Variants in GALNT17 observed in about 807,000 individuals in gnomAD.
The protein encoded by GALNT17 is polypeptide N-acetylgalactosaminyltransferase 17, also known as UDP-GalNAc:polypeptide N-acetylgalactosaminyltransferase-like 3.
A neutral mutation model predicts 63.7 loss-of-function variants in GALNT17; 29 were observed. That is an observed-to-expected ratio of 0.46 (90% CI 0.34 to 0.62). The LOEUF (loss-of-function observed/expected upper bound fraction) is 0.62. Ranked by LOEUF, GALNT17 falls within the 20% of genes least tolerant of loss-of-function variation. The probability of loss-of-function intolerance (pLI) is 0.01; values close to 1 mark genes in which losing one functional copy is unlikely to be tolerated. For missense variants in GALNT17, 603 were observed against 799.6 expected, an observed-to-expected ratio of 0.75 and a Z score of 2.97; for synonymous variants, 305 against 318.3, an observed-to-expected ratio of 0.96 and a Z score of 0.45.
intron 2 of GALNT17, among the ~76,000 whole-genome samples, chr7:71,377,096 AAAAATAAAAAT>A (rs1406349443): frequency 6.5e-5 from 4 of 61,902 alleles, no homozygotes; most frequent in African/African-American, 3.1e-4. Context: ...AAAAAAAAAA[AAAAATAAAAAT>A]AAAAAAAATA....
chr7:71,475,325 A>G (rs1332705226), intron 5 of GALNT17, among the ~76,000 whole-genome samples: 1 of 152,192 alleles, frequency 6.6e-6, no homozygotes, highest in Non-Finnish European at 1.5e-5. Flanking sequence ...ACAACTCACC[A>G]TAATGTAGAA....
chr7:71,439,700 CTT>C (rs1787031398), intron 5 of GALNT17, among the ~76,000 whole-genome samples: 2 of 152,172 alleles, frequency 1.3e-5, no homozygotes, highest in Admixed American at 1.3e-4. Flanking sequence ...ATGGAGGACA[CTT>C]TACCTCTGAA....
chr7:71,543,506 TAC>T (rs1467497992), intron 5 of GALNT17, among the ~76,000 whole-genome samples: 1 of 152,158 alleles, frequency 6.6e-6, no homozygotes, highest in African/African-American at 2.4e-5. Context: ...CTCGGACACA[TAC>T]AGTTATCTCT....
intron 5 of GALNT17, among the ~76,000 whole-genome samples, chr7:71,500,540 A>G (rs180773348): frequency 2.0e-5 from 3 of 151,902 alleles, no homozygotes; most frequent in African/African-American, 7.2e-5. Context: ...CAGCCATCCA[A>G]TCTTATGGCT....
chr7:71,623,472 C>G (rs1394494709), intron 6 of GALNT17, among the ~76,000 whole-genome samples: 4 of 151,694 alleles, frequency 2.6e-5, no homozygotes, highest in Non-Finnish European at 5.9e-5. Flanking sequence ...GGCTAGAGGG[C>G]AGTGGTGTGA....
At chr7:71,307,780 T>A in intron 1 of GALNT17, 1 of 152,052 alleles carries the variant, frequency 6.6e-6, no homozygotes. Flanking sequence ...AAGTGGTTGG[T>A]GAGTATTGGT....
intron 5 of GALNT17, among the ~76,000 whole-genome samples, chr7:71,464,308 C>T (rs1787500581): frequency 6.6e-6 from 1 of 152,138 alleles, no homozygotes; most frequent in Admixed American, 6.5e-5. Flanking sequence ...TTGCAGGATT[C>T]TTACTAAAAC....
rs368555504 is a variant in GALNT17 at position 71,223,317 on chromosome 7, A to C, written c.238+90277A>C. Among the ~76,000 whole-genome samples the C allele has an allele frequency of 7.2e-5, 11 of 152,284 alleles. No individual in the cohort carries two copies. In the East Asian group the frequency reaches 1.7e-3, roughly 24 times the overall value. The stretch of plus-strand genomic sequence containing the variant: ...ATTAATTGAAATTCTTCTGTAAGGA[A>C]GAATTGTCCCTTCTATCCCAGTTAT... On this transcript the variant is annotated intron_variant, in intron 1 of 10. Coordinates refer to ENST00000333538, the MANE Select transcript of GALNT17 (RefSeq NM_022479.3).
intron 5 of GALNT17, among the ~76,000 whole-genome samples, chr7:71,475,850 A>G (rs1787713952): frequency 6.6e-6 from 1 of 152,256 alleles, no homozygotes; most frequent in African/African-American, 2.4e-5. Context: ...AAAGACACCC[A>G]GGAATCTCCT....
At chr7:71,662,519 C>T (rs75426457) in intron 6 of GALNT17, among the ~76,000 whole-genome samples, 1 of 152,042 alleles carries the variant, frequency 6.6e-6, no homozygotes, top group Non-Finnish European at 1.5e-5. Flanking sequence ...TAAAAAGAAC[C>T]ACCAAACCCA....
intron 5 of GALNT17, among the ~76,000 whole-genome samples, chr7:71,443,003 C>A (rs1308128409): frequency 1.3e-5 from 2 of 152,114 alleles, no homozygotes; most frequent in Non-Finnish European, 2.9e-5. Flanking sequence ...CTTTTATGAA[C>A]ATTGAATTTC....
Position 71,512,438 on chromosome 7 carries a change from A to G in GALNT17, c.963-58847A>G, listed in dbSNP as rs998599129. ...GACATGCCCTGACTTCCAGCTCCTT[A>G]GGAAAGCCTAGCTGTCTCTGACTCA... On this transcript the variant is annotated intron_variant, in intron 5 of 10. Transcript: ENST00000333538. Among the ~76,000 whole-genome samples the G allele has an allele frequency of 2.0e-5, 3 of 152,080 alleles. No individual in the cohort carries two copies. The East Asian group carries it at 5.8e-4, about 29-fold the overall frequency.
intron 1 of GALNT17, among the ~76,000 whole-genome samples, chr7:71,143,407 C>CAAAAA (rs66560650): frequency 3.4e-5 from 4 of 116,950 alleles, no homozygotes; most frequent in Non-Finnish European, 5.2e-5. Context: ...GAGACTGTCT[C>CAAAAA]AAAAAAAAAA....
At chr7:71,530,903 C>A (rs2116779321) in intron 5 of GALNT17, among the ~76,000 whole-genome samples, 1 of 152,196 alleles carries the variant, frequency 6.6e-6, no homozygotes, top group African/African-American at 2.4e-5. Flanking sequence ...CCAGTTAATT[C>A]TTAAGCACAC....
chr7:71,197,012 T>G (rs561544121), intron 1 of GALNT17, among the ~76,000 whole-genome samples: 1 of 152,100 alleles, frequency 6.6e-6, no homozygotes, highest in South Asian at 2.1e-4. Flanking sequence ...GTGTATATGT[T>G]TATAGAGTAC....
chr7:71,258,928 C>T (rs1790333389), intron 1 of GALNT17, among the ~76,000 whole-genome samples: 1 of 152,120 alleles, frequency 6.6e-6, no homozygotes, highest in Non-Finnish European at 1.5e-5. Flanking sequence ...AAAAGACATA[C>T]AAAAGCATGG....
At chr7:71,548,262 A>T (rs1349854413) in intron 5 of GALNT17, among the ~76,000 whole-genome samples, 2 of 151,774 alleles carry the variant, frequency 1.3e-5, no homozygotes, top group Non-Finnish European at 2.9e-5. Context: ...AAAAAAGTTA[A>T]TAGAAACTGG....
intron 1 of GALNT17, among the ~76,000 whole-genome samples, chr7:71,139,981 G>A (rs890939315): frequency 1.3e-5 from 2 of 151,886 alleles, no homozygotes; most frequent in Non-Finnish European, 2.9e-5. Flanking sequence ...GAGACAGAGC[G>A]AGACTCTGTC....
chr7:71,680,753 CCTTTT>C (rs1167896550), intron 9 of GALNT17, among the ~76,000 whole-genome samples: 2 of 71,832 alleles, frequency 2.8e-5, no homozygotes, highest in African/African-American at 4.2e-5. Context: ...TTCTTCCTTT[CCTTTT>C]GTTTCCTTTC....
Sources: gnomAD v4.1 joint callset for allele counts (sites outside exome capture counted in the v4.1 genomes callset) on GRCh38, gnomAD v4.1.1 for gene constraint, MANE v1.5 for transcripts, NCBI Gene and HGNC (gene_info 2026-07-23, HGNC 2026-07-21) for gene names.